NOS1AP: variants seen among roughly 807,000 people sequenced by gnomAD.
NOS1AP encodes the protein nitric oxide synthase 1 adaptor protein.
NOS1AP carries 21 observed loss-of-function variants against 56.2 expected under a neutral mutation model. The observed-to-expected ratio is 0.37, with a 90% CI of 0.26 to 0.54. The LOEUF (loss-of-function observed/expected upper bound fraction) is 0.54. Ranked by LOEUF, NOS1AP falls within the 20% of genes least tolerant of loss-of-function variation. The probability of loss-of-function intolerance (pLI) is 0.84; values close to 1 mark genes in which losing one functional copy is unlikely to be tolerated. For synonymous variants in NOS1AP, 270 were observed against 274.6 expected (o/e 0.98, Z 0.17); for missense variants, 522 against 657.8 (o/e 0.79, Z 2.26).
intron 6 of NOS1AP, among the ~76,000 whole-genome samples, chr1:162,344,597 G>T (rs1043256430): frequency 6.6e-6 from 1 of 151,982 alleles, no homozygotes. Context: ...TATAGTCCCA[G>T]CTACTTGGAA....
intron 1 of NOS1AP, among the ~76,000 whole-genome samples, chr1:162,141,938 A>C (rs1292471998): frequency 6.6e-6 from 1 of 152,218 alleles, no homozygotes; most frequent in Non-Finnish European, 1.5e-5. Context: ...GTAAAGAACT[A>C]GAAAACATCT....
In NOS1AP at chr1:162,355,309, C is replaced by T; in HGVS notation, c.718C>T (p.Leu240=). ...GGAATTCAGCCGAGGTGTGACTGAT[C>T]TAGATGCTGTAGGGAAGGAAGGAGG... is the stretch of plus-strand genomic sequence containing the variant. ...VLEFSRGVTD[L]DAVGKEGGSH... Residue 240 remains leucine (L), a synonymous_variant, in exon 7 of 10, where the codon CTA becomes TTA. Coordinates refer to ENST00000361897, the MANE Select transcript of NOS1AP (RefSeq NM_014697.3). The T allele has an allele frequency of 6.2e-7, 1 of 1,614,132 alleles. No individual in the cohort carries two copies. The highest frequency in any genetic ancestry group is 8.5e-7 in the Non-Finnish European group (1 of 1,180,024).
intron 3 of NOS1AP, among the ~76,000 whole-genome samples, chr1:162,295,723 A>T (rs1655434385): frequency 6.6e-6 from 1 of 152,246 alleles, no homozygotes; most frequent in Non-Finnish European, 1.5e-5. Flanking sequence ...CATGTGAGAT[A>T]TGTGAAGCGG....
chr1:162,220,120 T>C (rs535510560), intron 2 of NOS1AP, among the ~76,000 whole-genome samples: 11 of 152,240 alleles, frequency 7.2e-5, no homozygotes, highest in African/African-American at 2.2e-4. Context: ...TTTGTAGAGA[T>C]AGAGTCCAAC....
rs1254362455 is a variant in NOS1AP at position 162,248,415 on chromosome 1, G to A, written c.178-38929G>A. On this transcript the variant is annotated intron_variant, in intron 2 of 9. Transcript: ENST00000361897. ...CCATTACCCATATGCTTTTCTATGT[G>A]TTATTTATGGAACTTTTTAAATTTA... 2.0e-5 allele frequency among the ~76,000 whole-genome samples: 3 copies of A among 152,016 alleles called. No individual in the cohort carries two copies. In the East Asian group the frequency reaches 5.8e-4, roughly 29 times the overall value.
In NOS1AP at chr1:162,101,572, G is replaced by A. The variant is rs143316344; in HGVS notation, c.105+31290G>A. The stretch of plus-strand genomic sequence containing the variant: ...TGATATTGATTCTACCTATCCATGA[G>A]GATGGAATGTTTTTCCATTTGTTTG... On this transcript the variant is annotated intron_variant, in intron 1 of 9. Transcript: ENST00000361897. Among the ~76,000 whole-genome samples, 288 of 152,308 alleles carry A rather than the reference G, an allele frequency of 1.9e-3. 2 individuals carry two copies. Among genetic ancestry groups the A allele is most frequent in the Middle Eastern group, 6.8e-3 (2 of 292 alleles).
Position 162,357,110 on chromosome 1 carries a change from C to T in NOS1AP, c.913C>T (p.Gln305Ter). The T allele has an allele frequency of 6.2e-7, 1 of 1,609,252 alleles. No homozygotes were observed. Among genetic ancestry groups the T allele is most frequent in the Non-Finnish European group, 8.5e-7 (1 of 1,179,908 alleles). ...LLQQLLQQQQ[Q>*]QTQVAVAQVH... ...CCAGCAGCTCCTCCAGCAGCAGCAG[C>T]AGCAGACACAAGTGGCTGTGGCCCA... The change falls in exon 8 of 10, where the codon CAG (glutamine) becomes TAG (stop). Residue 305 changes from glutamine to a stop codon, truncating the protein, a stop_gained. Transcript: ENST00000361897. LOFTEE classifies it high-confidence loss of function.
intron 1 of NOS1AP, among the ~76,000 whole-genome samples, chr1:162,090,382 A>AAG (rs398103294): frequency 6.6e-6 from 1 of 151,758 alleles, no homozygotes; most frequent in East Asian, 1.9e-4. Context: ...AAAAAAAAAA[A>AAG]GTCTGAGAAT....
chr1:162,109,447 T>C (rs567370523), intron 1 of NOS1AP, among the ~76,000 whole-genome samples: 2 of 152,306 alleles, frequency 1.3e-5, no homozygotes, highest in African/African-American at 4.8e-5. Flanking sequence ...ACTTCTGAAA[T>C]AGATGACATT....
intron 2 of NOS1AP, among the ~76,000 whole-genome samples, chr1:162,248,630 T>C (rs1053956156): frequency 2.6e-5 from 4 of 152,148 alleles, no homozygotes; most frequent in Admixed American, 2.6e-4. Context: ...GGTTATGGCC[T>C]GGACCATGCT....
intron 1 of NOS1AP, among the ~76,000 whole-genome samples, chr1:162,100,101 A>T (rs1403220893): frequency 6.6e-6 from 1 of 152,212 alleles, no homozygotes; most frequent in Admixed American, 6.5e-5. Flanking sequence ...ATACGTGTGC[A>T]TGTGTCTTTA....
intron 4 of NOS1AP, among the ~76,000 whole-genome samples, chr1:162,306,697 G>T (rs761792952): frequency 6.6e-6 from 1 of 152,166 alleles, no homozygotes; most frequent in South Asian, 2.1e-4. Flanking sequence ...AGCACTTTGG[G>T]CAGCTAAGTT....
chr1:162,120,820 C>T (rs908877381), intron 1 of NOS1AP, among the ~76,000 whole-genome samples: 1 of 152,194 alleles, frequency 6.6e-6, no homozygotes, highest in African/African-American at 2.4e-5. Flanking sequence ...GATTTTTTCC[C>T]TCATACCTTT....
At chr1:162,268,318 C>G (rs765044324) in intron 2 of NOS1AP, among the ~76,000 whole-genome samples, 2 of 144,782 alleles carry the variant, frequency 1.4e-5, no homozygotes, top group Non-Finnish European at 3.0e-5. Flanking sequence ...GTAGCTCCCC[C>G]CCCCTATTTC....
chr1:162,118,628 C>A (rs1369928766), intron 1 of NOS1AP, among the ~76,000 whole-genome samples: 1 of 152,080 alleles, frequency 6.6e-6, no homozygotes, highest in Admixed American at 6.6e-5. Flanking sequence ...ATTAAAAAAC[C>A]CCAAACCAAA....
intron 1 of NOS1AP, among the ~76,000 whole-genome samples, chr1:162,127,949 AATG>A (rs1416430152): frequency 6.6e-6 from 1 of 152,228 alleles, no homozygotes; most frequent in Non-Finnish European, 1.5e-5. Flanking sequence ...ACACCAAAAA[AATG>A]ATGATTTGCT....
At chr1:162,180,349 G>C (rs570706821) in intron 2 of NOS1AP, among the ~76,000 whole-genome samples, 1 of 152,052 alleles carries the variant, frequency 6.6e-6, no homozygotes, top group Non-Finnish European at 1.5e-5. Flanking sequence ...GGTTCACGCC[G>C]TTCTTCTGCC....
chr1:162,296,563 AAAG>A (rs1655469013), intron 3 of NOS1AP, among the ~76,000 whole-genome samples: 2 of 152,270 alleles, frequency 1.3e-5, no homozygotes, highest in African/African-American at 2.4e-5. Flanking sequence ...ACCTCTTTTA[AAAG>A]TAAAGTATGT....
At chr1:162,347,427 T>C (rs1328686486) in intron 6 of NOS1AP, among the ~76,000 whole-genome samples, 3 of 152,198 alleles carry the variant, frequency 2.0e-5, no homozygotes, top group East Asian at 3.8e-4. Context: ...TGCCCAGAGG[T>C]TGAATGTTTG....
Sources: allele counts gnomAD v4.1 joint callset (sites outside exome capture counted in the v4.1 genomes callset), GRCh38; gene constraint gnomAD v4.1.1; transcripts MANE v1.5; gene names NCBI Gene and HGNC (gene_info 2026-07-23, HGNC 2026-07-21).